Variants in IMMP2L observed in about 807,000 individuals in gnomAD.
IMMP2L encodes inner mitochondrial membrane peptidase subunit 2.
IMMP2L carries 18 observed loss-of-function variants against 19.3 expected under a neutral mutation model. That is an observed-to-expected ratio of 0.93 (90% CI 0.64 to 1.38). The LOEUF (loss-of-function observed/expected upper bound fraction) is 1.38. IMMP2L is among the 40% of genes most tolerant of loss of function. The pLI is 0.00. For missense variants in IMMP2L, 233 were observed against 218.2 expected, an observed-to-expected ratio of 1.07 and a Z score of -0.43; for synonymous variants, 76 against 73.0, an observed-to-expected ratio of 1.04 and a Z score of -0.21.
At chr7:111,288,044 T>G (rs1820688719) in intron 3 of IMMP2L, among the ~76,000 whole-genome samples, 1 of 152,208 alleles carries the variant, frequency 6.6e-6, no homozygotes, top group African/African-American at 2.4e-5. Context: ...AAGAGTCACA[T>G]GACGATTCTC....
intron 5 of IMMP2L, among the ~76,000 whole-genome samples, chr7:110,739,142 A>G (rs534875061): frequency 3.3e-5 from 5 of 152,316 alleles, no homozygotes; most frequent in African/African-American, 4.8e-5. Context: ...TCTATAGAAC[A>G]ATAAGACAAT....
At chr7:111,264,302 C>T (rs959551544) in intron 3 of IMMP2L, among the ~76,000 whole-genome samples, 7 of 152,094 alleles carry the variant, frequency 4.6e-5, no homozygotes, top group African/African-American at 1.2e-4. Context: ...GATTAAAGGG[C>T]CTCCTCTGTT....
chr7:110,816,740 T>C (rs1444432877), intron 5 of IMMP2L, among the ~76,000 whole-genome samples: 1 of 151,072 alleles, frequency 6.6e-6, no homozygotes, highest in Admixed American at 6.6e-5. Context: ...TTGTCTCTTT[T>C]GATCTTTGTT....
At chr7:110,809,048 G>C (rs778087117) in intron 5 of IMMP2L, among the ~76,000 whole-genome samples, 12 of 151,930 alleles carry the variant, frequency 7.9e-5, no homozygotes, top group Admixed American at 6.6e-4. Context: ...CTAAAACCCT[G>C]TCATCTTTCC....
intron 5 of IMMP2L, among the ~76,000 whole-genome samples, chr7:110,881,745 A>C (rs142185836): frequency 2.0e-5 from 3 of 152,330 alleles, no homozygotes; most frequent in East Asian, 3.9e-4. Context: ...CTCGTGTATC[A>C]CAAGATTATT....
chr7:111,347,925 G>A lies in IMMP2L; in HGVS notation c.239+139313C>T, dbSNP rs572807586. ...ATCAAGACTGGATTAAGAAAATGTG[G>A]CACATATACACCATGGAATACTATG... On this transcript the variant is annotated intron_variant, in intron 3 of 5. Coordinates refer to ENST00000405709, the MANE Select transcript of IMMP2L (RefSeq NM_032549.4). 3.2e-4 allele frequency among the ~76,000 whole-genome samples: 48 copies of A among 151,746 alleles called. 1 individual carries two copies. The highest frequency in any genetic ancestry group is 8.8e-5 in the Non-Finnish European group (6 of 67,908).
chr7:110,881,262 G>T (rs1018897400), intron 5 of IMMP2L, among the ~76,000 whole-genome samples: 8 of 151,936 alleles, frequency 5.3e-5, no homozygotes, highest in African/African-American at 1.9e-4. Flanking sequence ...TCCTTTAAGT[G>T]GCTTTGATCT....
chr7:111,143,579 C>T (rs1451863411), intron 3 of IMMP2L, among the ~76,000 whole-genome samples: 3 of 152,086 alleles, frequency 2.0e-5, no homozygotes, highest in Non-Finnish European at 4.4e-5. Flanking sequence ...ATCCATTTTC[C>T]TTTGCTTATA....
chr7:110,677,465 A>G (rs559199374), intron 5 of IMMP2L, among the ~76,000 whole-genome samples: 69 of 152,304 alleles, frequency 4.5e-4, no homozygotes, highest in African/African-American at 1.5e-3. Flanking sequence ...GTATTAGCCT[A>G]TTATCTACTT....
At chr7:111,273,112 T>C (rs928419603) in intron 3 of IMMP2L, among the ~76,000 whole-genome samples, 1 of 151,936 alleles carries the variant, frequency 6.6e-6, no homozygotes, top group Non-Finnish European at 1.5e-5. Context: ...ACCCCATCTC[T>C]ACTAAAATAC....
At chr7:111,047,925 G>T (rs544255419) in intron 3 of IMMP2L, among the ~76,000 whole-genome samples, 1 of 152,130 alleles carries the variant, frequency 6.6e-6, no homozygotes, top group Non-Finnish European at 1.5e-5. Flanking sequence ...AAAAAGCGAA[G>T]CAGTTACTTT....
At chr7:110,772,733 GT>G (rs1339621375) in intron 5 of IMMP2L, among the ~76,000 whole-genome samples, 1 of 152,124 alleles carries the variant, frequency 6.6e-6, no homozygotes, top group East Asian at 1.9e-4. Context: ...GACCAAGTTG[GT>G]CTTGACTCCC....
At chr7:110,720,094 C>G (rs1332064032) in intron 5 of IMMP2L, among the ~76,000 whole-genome samples, 1 of 152,090 alleles carries the variant, frequency 6.6e-6, no homozygotes. Context: ...GGGAAATTAG[C>G]TGAGAGGAGC....
intron 3 of IMMP2L, among the ~76,000 whole-genome samples, chr7:111,081,706 T>G (rs776060202): frequency 6.6e-5 from 10 of 152,244 alleles, no homozygotes; most frequent in African/African-American, 2.4e-5. Flanking sequence ...CTGAAAGGAT[T>G]AAAGTAGCTC....
rs1470812388 is a variant in IMMP2L, at chr7:111,532,026, A to C, written c.-2-10577T>G. Among the ~76,000 whole-genome samples, 6 of 152,288 alleles carry C rather than the reference A, an allele frequency of 3.9e-5. No individual in the cohort carries two copies. In the South Asian group the frequency reaches 1.2e-3, roughly 32 times the overall value. On this transcript the variant is annotated intron_variant, in intron 1 of 5. Transcript: ENST00000405709. ...ACTCTTTTTAGAAAAAAAAAATCTC[A>C]AGAACCTTTCAAAAATCAAAACTTA...
chr7:111,113,672 T>A (rs965643232), intron 3 of IMMP2L, among the ~76,000 whole-genome samples: 2 of 152,176 alleles, frequency 1.3e-5, no homozygotes, highest in African/African-American at 2.4e-5. Flanking sequence ...CCCAAATGTT[T>A]TCATCTGAAA....
intron 4 of IMMP2L, among the ~76,000 whole-genome samples, chr7:110,934,464 T>C (rs905326271): frequency 2.6e-5 from 4 of 152,158 alleles, no homozygotes; most frequent in Admixed American, 2.6e-4. Flanking sequence ...CAAATCTTAC[T>C]CCATGGATAA....
At chr7:110,995,951 T>C (rs550152679) in intron 3 of IMMP2L, among the ~76,000 whole-genome samples, 28 of 152,288 alleles carry the variant, frequency 1.8e-4, no homozygotes, top group African/African-American at 6.7e-4. Flanking sequence ...TAACACCATG[T>C]AATACACATA....
chr7:110,969,816 T>C (rs143122610), intron 3 of IMMP2L, among the ~76,000 whole-genome samples: 20 of 152,188 alleles, frequency 1.3e-4, no homozygotes, highest in Non-Finnish European at 2.8e-4. Flanking sequence ...TAAGCAGAAA[T>C]AGAATCTTTC....
Sources: allele counts gnomAD v4.1 joint callset (sites outside exome capture counted in the v4.1 genomes callset), GRCh38; gene constraint gnomAD v4.1.1; transcripts MANE v1.5; gene names NCBI Gene and HGNC (gene_info 2026-07-23, HGNC 2026-07-21).